The following UBE3B variants were observed in gnomAD, a reference collection of about 807,000 sequenced individuals.
UBE3B encodes ubiquitin-protein ligase E3B.
A neutral mutation model predicts 132.3 loss-of-function variants in UBE3B; 80 were observed. The ratio of observed to expected loss-of-function variants is 0.60; its 90% CI spans 0.50 to 0.73. The LOEUF is 0.73. UBE3B is among the 30% of genes least tolerant of loss of function. The probability of loss-of-function intolerance (pLI) is 0.00; values close to 1 mark genes in which losing one functional copy is unlikely to be tolerated. For synonymous variants in UBE3B, 487 were observed against 520.4 expected (o/e 0.94, Z 0.87); for missense variants, 1,196 against 1,362.5 (o/e 0.88, Z 1.92).
intron 18 of UBE3B, among the ~76,000 whole-genome samples, chr12:109,514,912 C>CT (rs1323171539): frequency 3.6e-4 from 54 of 151,838 alleles, no homozygotes; most frequent in African/African-American, 1.3e-3. Flanking sequence ...CCCCTTTCTT[C>CT]TTCTTTTTTT....
intron 12 of UBE3B, among the ~76,000 whole-genome samples, 162 bp from the exon 13 acceptor site, chr12:109,501,209 G>C (rs1406662703): frequency 6.6e-6 from 1 of 152,226 alleles, no homozygotes; most frequent in South Asian, 2.1e-4. Context: ...CCTCAGCAAT[G>C]ATTTGTTAGT....
In UBE3B at chr12:109,530,566, G is replaced by A. The variant is rs1882839642; in HGVS notation, c.2830G>A (p.Gly944Ser). Residue 944 changes from glycine (G) to serine (S), a missense_variant, in exon 26 of 28, where the codon GGT becomes AGT. Transcript: ENST00000342494. ...TTTCAGGAAGCACACAGTCTACTACGGTGGTTTCCATGGAAGTCACAGAGT... is the reference window on the plus strand; with the variant it reads ...TTTCAGGAAGCACACAGTCTACTACAGTGGTTTCCATGGAAGTCACAGAGT... The part of the protein sequence containing the change: ...EDLKKHTVYY[G>S]GFHGSHRVII... 5 of 1,613,998 alleles carry A rather than the reference G, an allele frequency of 3.1e-6. No individual in the cohort carries two copies. The highest frequency in any genetic ancestry group is 1.3e-5 in the African/African-American group (1 of 74,896).
intron 18 of UBE3B, among the ~76,000 whole-genome samples, chr12:109,514,321 G>A (rs1880732911): frequency 6.6e-6 from 1 of 152,154 alleles, no homozygotes; most frequent in Admixed American, 6.5e-5. Flanking sequence ...CCTTGGGTGA[G>A]TAAGGTCTTC....
chr12:109,516,235 G>A (rs1419386003), intron 18 of UBE3B, among the ~76,000 whole-genome samples: 2 of 136,278 alleles, frequency 1.5e-5, no homozygotes, highest in Admixed American at 1.6e-4. Flanking sequence ...GCAGTGGCAC[G>A]ATCTTGGCTC....
intron 2 of UBE3B, among the ~76,000 whole-genome samples, chr12:109,482,942 G>A (rs929429748): frequency 5.9e-5 from 9 of 152,196 alleles, no homozygotes; most frequent in African/African-American, 2.2e-4. Flanking sequence ...TCTGAAGTGT[G>A]TACCTTTTGC....
chr12:109,537,843 T>C (rs773839621), downstream of UBE3B, among the ~76,000 whole-genome samples: 3 of 152,196 alleles, frequency 2.0e-5, no homozygotes, highest in Non-Finnish European at 4.4e-5. Flanking sequence ...TAGCTGGGAC[T>C]ACAGGTGCCC....
At chr12:109,501,064 G>A (rs1878922294) in intron 12 of UBE3B, among the ~76,000 whole-genome samples, 1 of 152,198 alleles carries the variant, frequency 6.6e-6, no homozygotes, top group African/African-American at 2.4e-5. Context: ...GAGGAGGGAG[G>A]CAGTGCAGTG....
chr12:109,523,901 G>T, intron 21 of UBE3B, 77 bp from the exon 22 acceptor site: 2 of 1,588,654 alleles, frequency 1.3e-6, no homozygotes, highest in South Asian at 2.3e-5. Context: ...GGCCATGTCT[G>T]CACCCTGAGC....
In UBE3B at chr12:109,477,767, CGGCCTGCGGGTAGGCCGGTAG is replaced by C. The variant is rs1391616143; in HGVS notation, c.-460_-440del. ...GCGGGGACCTCCGGCGAATAAAGGTCGGCCTGCGGGTAGGCCGGTAGGGCCTGCGGTCCGGCCTGCGGGAGA... is the reference window on the plus strand; with the variant it reads ...GCGGGGACCTCCGGCGAATAAAGGTCGGCCTGCGGTCCGGCCTGCGGGAGA... On this transcript the variant is annotated 5_prime_UTR_variant, in exon 1 of 28. Coordinates refer to ENST00000342494, the MANE Select transcript of UBE3B (RefSeq NM_130466.4). 6 of 168,082 alleles carry C rather than the reference CGGCCTGCGGGTAGGCCGGTAG, an allele frequency of 3.6e-5. No individual in the cohort carries two copies. The highest frequency in any genetic ancestry group is 1.1e-4 in the South Asian group (1 of 8,964). 10.4% of individuals were successfully genotyped at this position (168,082 alleles called of 1,614,324 possible).
At position 109,490,457 on chromosome 12, in the gene UBE3B, A is replaced by C. The variant is rs978251776; in HGVS notation, c.630+453A>C. 33 of 1,534,804 alleles carry C rather than the reference A, an allele frequency of 2.2e-5. No homozygotes were observed. The Admixed American group carries it at 2.8e-4, about 13-fold the overall frequency. Reference sequence around the variant, plus strand: ...TACAATGGAAGTCTTGAGTTTGAGAAGTAATGTTGACTTTGCCCTTCCTTC... The same window carrying C: ...TACAATGGAAGTCTTGAGTTTGAGACGTAATGTTGACTTTGCCCTTCCTTC... On this transcript the variant is annotated intron_variant, in intron 8 of 27. Transcript: ENST00000342494.
Position 109,490,154 on chromosome 12 carries a change from C to T in UBE3B, c.630+150C>T, listed in dbSNP as rs748136642. The stretch of plus-strand genomic sequence containing the variant: ...ATGCCTGCTGTCCTCTTCTTCCTTC[C>T]CCTGCCTTGTCTCACTTGTGGGTCA... On this transcript the variant is annotated intron_variant, in intron 8 of 27. Transcript: ENST00000342494. The T allele has an allele frequency of 2.7e-5, 24 of 901,470 alleles. No homozygotes were observed. The East Asian group carries it at 3.1e-4, about 12-fold the overall frequency. The allele number at this position is 901,470 out of a possible 1,614,324, so 55.8% of individuals were successfully genotyped here.
chr12:109,490,276 G>A, intron 8 of UBE3B: 1 of 1,092,996 alleles, frequency 9.1e-7, no homozygotes, highest in African/African-American at 1.6e-5. Flanking sequence ...TCTGGAAGGA[G>A]ACCTCAGGGC....
In UBE3B at chr12:109,521,119, C is replaced by A; in HGVS notation, c.2077-29C>A. ...TTGTGTGCATAAGGCTTTGGGCTTC[C>A]TAATGGGCTGTAATTCTGCTCTTGG... On this transcript the variant is annotated intron_variant, in intron 19 of 27. Coordinates refer to ENST00000342494, the MANE Select transcript of UBE3B (RefSeq NM_130466.4). The surrounding 1 kb of genome is among the most constrained non-coding windows in gnomAD (Gnocchi z 4.2). 6.2e-7 allele frequency: 1 copy of A among 1,611,676 alleles called. No homozygotes were observed. The highest frequency in any genetic ancestry group is 8.5e-7 in the Non-Finnish European group (1 of 1,178,250).
chr12:109,513,942 T>C lies in UBE3B; in HGVS notation c.1956+2639T>C, dbSNP rs562480545. 2.6e-5 allele frequency among the ~76,000 whole-genome samples: 4 copies of C among 152,290 alleles called. No individual in the cohort carries two copies. The South Asian group carries it at 8.3e-4, about 32-fold the overall frequency. The stretch of plus-strand genomic sequence containing the variant: ...TGTGTGCTGCCCTCTGCCATTGAAA[T>C]ATTCTTGCTGGAGTACACAGGAGGG... On this transcript the variant is annotated intron_variant, in intron 18 of 27. Coordinates refer to ENST00000342494, the MANE Select transcript of UBE3B (RefSeq NM_130466.4).
At chr12:109,541,243 A>G (rs1479894212), downstream of UBE3B, among the ~76,000 whole-genome samples, 1 of 152,202 alleles carries the variant, frequency 6.6e-6, no homozygotes, top group Non-Finnish European at 1.5e-5. Flanking sequence ...AGCAGTTCCC[A>G]GATAAAGAGG....
rs398123020 is a variant in UBE3B at position 109,509,716 on chromosome 12, T to C, written c.1741+2T>C. On this transcript the variant is annotated splice_donor_variant, in intron 16 of 27. Coordinates refer to ENST00000342494, the MANE Select transcript of UBE3B (RefSeq NM_130466.4). LOFTEE classifies it high-confidence loss of function. ...AGATGATCTGGGATGGAATTGTAGG[T>C]AAGAGAAAAGGTGTCTGCTGTTGTT... The C allele has an allele frequency of 6.3e-7, 1 of 1,594,666 alleles. No homozygotes were observed. The highest frequency in any genetic ancestry group is 8.5e-7 in the Non-Finnish European group (1 of 1,170,674).
chr12:109,520,128 G>A (rs763908760), intron 19 of UBE3B: 1 of 152,224 alleles, frequency 6.6e-6, no homozygotes, highest in Non-Finnish European at 1.5e-5. Context: ...AGGACAGCAG[G>A]GTTGATTGGT....
rs1881995889 is a variant in UBE3B at position 109,523,921 on chromosome 12, C to G, written c.2365-57C>G. Reference sequence around the variant, plus strand: ...TGTCTGCACCCTGAGCCACCCCAATCCAAACACTGCATCAGAATCCTGGCT... The same window carrying G: ...TGTCTGCACCCTGAGCCACCCCAATGCAAACACTGCATCAGAATCCTGGCT... On this transcript the variant is annotated intron_variant, in intron 21 of 27. Transcript: ENST00000342494. 5 of 1,606,038 alleles carry G rather than the reference C, an allele frequency of 3.1e-6. No individual in the cohort carries two copies. The Admixed American group carries it at 8.4e-5, about 27-fold the overall frequency.
downstream of UBE3B, among the ~76,000 whole-genome samples, chr12:109,540,280 T>C (rs1883584119): frequency 6.6e-6 from 1 of 152,148 alleles, no homozygotes; most frequent in Admixed American, 6.5e-5. Flanking sequence ...CAATCTTGGT[T>C]CACTACAACC....
Sources: gnomAD v4.1 joint callset for allele counts (sites outside exome capture counted in the v4.1 genomes callset) on GRCh38, gnomAD v4.1.1 for gene constraint, Gnocchi (gnomAD v3.1) non-coding constraint, MANE v1.5 for transcripts, NCBI Gene and HGNC (gene_info 2026-07-23, HGNC 2026-07-21) for gene names.